The following ZNF316 variants were observed in gnomAD, a reference collection of about 807,000 sequenced individuals.
The protein encoded by ZNF316 is zinc finger protein 316.
A neutral mutation model predicts 75.6 loss-of-function variants in ZNF316; 23 were observed. The observed-to-expected ratio is 0.30, with a 90% CI of 0.22 to 0.43. The LOEUF (loss-of-function observed/expected upper bound fraction) is 0.43. Among genes scored for constraint, ZNF316 ranks in the 20% least tolerant of loss-of-function variants. The pLI, the probability that ZNF316 is intolerant of heterozygous loss-of-function variation, is 1.00. For missense variants in ZNF316, 1,266 were observed against 1,409.4 expected, an observed-to-expected ratio of 0.90 and a Z score of 1.63; for synonymous variants, 827 against 666.2, an observed-to-expected ratio of 1.24 and a Z score of -3.72.
At chr7:6,646,817 C>G (rs771459055) in intron 8 of ZNF316, among the ~76,000 whole-genome samples, 2 of 152,130 alleles carry the variant, frequency 1.3e-5, no homozygotes, top group Non-Finnish European at 2.9e-5. Flanking sequence ...GAGTTTGTTT[C>G]TAGACTGGAG....
intron 7 of ZNF316, 130 bp downstream of exon 7, chr7:6,644,078 C>T: frequency 2.9e-6 from 3 of 1,037,248 alleles, no homozygotes; most frequent in Non-Finnish European, 3.7e-6. Context: ...AGCCCACCTC[C>T]CAGGGAAGCC....
At position 6,639,651 on chromosome 7, in the gene ZNF316, G is replaced by T. The variant is rs1779278596; in HGVS notation, c.-167+510G>T. 6.6e-6 allele frequency among the ~76,000 whole-genome samples: 1 copy of T among 152,326 alleles called. No homozygotes were observed. Among genetic ancestry groups the T allele is most frequent in the East Asian group, 1.9e-4 (1 of 5,188 alleles). ...GGCCTGGCTCTGGGAGTTTAAAGTT[G>T]CTGCTTCAGGTGGTGGCCAGGCAGG... On this transcript the variant is annotated intron_variant, in intron 3 of 8. Transcript: ENST00000382252. The surrounding 1 kb of genome is among the most constrained non-coding windows in gnomAD (Gnocchi z 4.2).
chr7:6,653,605 C>G lies in ZNF316; in HGVS notation c.2009C>G (p.Pro670Arg). The G allele has an allele frequency of 9.4e-7, 1 of 1,062,304 alleles. No homozygotes were observed. The highest frequency in any genetic ancestry group is 1.1e-6 in the Non-Finnish European group (1 of 878,460). The allele number at this position is 1,062,304 out of a possible 1,614,324, so 65.8% of individuals were successfully genotyped here. Reference sequence around the variant, plus strand: ...GGAGGCGGCCTGCGCGCGTTCGGGCCCGCCATCGGGGGTCTGCTGGCGGAG... The same window carrying G: ...GGAGGCGGCCTGCGCGCGTTCGGGCGCGCCATCGGGGGTCTGCTGGCGGAG... ...GGGGGLRAFG[P>R]AIGGLLAEPA... The change falls in exon 9 of 9, where the codon CCC becomes CGC. Residue 670 changes from proline (P) to arginine (R), a missense_variant. Coordinates refer to ENST00000382252, the MANE Select transcript of ZNF316 (RefSeq NM_001278559.2).
At chr7:6,638,673 G>C (rs1779261394) in intron 2 of ZNF316, among the ~76,000 whole-genome samples, 1 of 152,142 alleles carries the variant, frequency 6.6e-6, no homozygotes, top group Admixed American at 6.5e-5. Flanking sequence ...GGTGGCTCAC[G>C]CCTGTAATCC....
At chr7:6,638,459 G>T (rs971318661) in intron 2 of ZNF316, among the ~76,000 whole-genome samples, 3 of 152,204 alleles carry the variant, frequency 2.0e-5, no homozygotes, top group Non-Finnish European at 4.4e-5. Context: ...CACATCTCCC[G>T]CTCTCTGAGT....
In ZNF316 at chr7:6,654,524, G is replaced by A; in HGVS notation, c.2928G>A (p.Leu976=). 2.5e-6 allele frequency: 3 copies of A among 1,178,380 alleles called. No homozygotes were observed. The highest frequency in any genetic ancestry group is 3.1e-6 in the Non-Finnish European group (3 of 953,688). The allele number at this position is 1,178,380 out of a possible 1,614,324, so 73.0% of individuals were successfully genotyped here. The change falls in exon 9 of 9, where the codon CTG becomes CTA. Residue 976 remains leucine (L), a synonymous_variant. Transcript: ENST00000382252. ...AGPGERGSAL[L]EFAGGTSFGS... ...CCGGTGAGCGCGGCAGCGCCCTGCT[G>A]GAGTTCGCGGGCGGCACAAGCTTCG...
In ZNF316 at chr7:6,642,490, C is replaced by T; in HGVS notation, c.81C>T (p.Asp27=). ...AGGACGGGTCAGAGTGCGACCCTGA[C>T]CAGGAAGAAGAGGAGGAGGAGGAGG... ...RAEDGSECDP[D]QEEEEEEEEK... Residue 27 remains aspartate, a synonymous_variant, in exon 5 of 9, where the codon GAC becomes GAT. Transcript: ENST00000382252. The surrounding 1 kb of genome is among the most constrained non-coding windows in gnomAD (Gnocchi z 8.1). The T allele has an allele frequency of 8.1e-7, 1 of 1,233,066 alleles. No individual in the cohort carries two copies. The highest frequency in any genetic ancestry group is 1.0e-6 in the Non-Finnish European group (1 of 988,780). The allele number at this position is 1,233,066 out of a possible 1,614,324, so 76.4% of individuals were successfully genotyped here.
chr7:6,651,746 G>A (rs1209347624), intron 8 of ZNF316, among the ~76,000 whole-genome samples: 1 of 152,228 alleles, frequency 6.6e-6, no homozygotes, highest in Non-Finnish European at 1.5e-5. Flanking sequence ...CTGGGTGACA[G>A]AGTGAGACTC....
rs558160013 is a variant in ZNF316, at chr7:6,639,004, T to C, written c.-266-38T>C. ...AAACCATTATGTTCTGAATCTTGGG[T>C]TGGGGACGATGTCTGGCTGTGCTTC... On this transcript the variant is annotated intron_variant, in intron 2 of 8. Coordinates refer to ENST00000382252, the MANE Select transcript of ZNF316 (RefSeq NM_001278559.2). The surrounding 1 kb of genome is among the most constrained non-coding windows in gnomAD (Gnocchi z 4.2). 2.6e-5 allele frequency: 4 copies of C among 152,336 alleles called. No individual in the cohort carries two copies. The highest frequency in any genetic ancestry group is 4.8e-5 in the African/African-American group (2 of 41,548). 9.4% of individuals were successfully genotyped at this position (152,336 alleles called of 1,614,324 possible).
Position 6,653,608 on chromosome 7 carries a change from C to A in ZNF316, c.2012C>A (p.Ala671Asp). 1 of 1,062,040 alleles carries A rather than the reference C, an allele frequency of 9.4e-7. No individual in the cohort carries two copies. Among genetic ancestry groups the A allele is most frequent in the Non-Finnish European group, 1.1e-6 (1 of 878,252 alleles). 65.8% of individuals were successfully genotyped at this position (1,062,040 alleles called of 1,614,324 possible). The change falls in exon 9 of 9, where the codon GCC becomes GAC. Residue 671 changes from alanine to aspartate, a missense_variant. Coordinates refer to ENST00000382252, the MANE Select transcript of ZNF316 (RefSeq NM_001278559.2). ...GGGGLRAFGPAIGGLLAEPAP... is the reference protein window; with the variant it reads ...GGGGLRAFGPDIGGLLAEPAP... ...GGCGGCCTGCGCGCGTTCGGGCCCG[C>A]CATCGGGGGTCTGCTGGCGGAGCCC...
chr7:6,654,669 G>A lies in ZNF316; in HGVS notation c.*58G>A. 1 of 1,149,366 alleles carries A rather than the reference G, an allele frequency of 8.7e-7. No individual in the cohort carries two copies. Among genetic ancestry groups the A allele is most frequent in the Non-Finnish European group, 1.1e-6 (1 of 933,576 alleles). The allele number at this position is 1,149,366 out of a possible 1,614,324, so 71.2% of individuals were successfully genotyped here. On this transcript the variant is annotated 3_prime_UTR_variant, in exon 9 of 9. Transcript: ENST00000382252. The stretch of plus-strand genomic sequence containing the variant: ...GGGCCACCGGCCCCTCCCTTGGACG[G>A]CCGGCCCCCCGCTCCTCGGGCCCCG...
At position 6,642,747 on chromosome 7, in the gene ZNF316, C is replaced by G; in HGVS notation, c.338C>G (p.Pro113Arg). ...RLSRGGDAKS[P>R]VLQEKGLQAS... ...AGCCGTGGTGGTGATGCCAAGTCCC[C>G]AGTTCTTCAGGAAAAGGGTAAGAAA... Residue 113 changes from proline (P) to arginine (R), a missense_variant, in exon 5 of 9, where the codon CCA becomes CGA. By Grantham distance (103) the Pro-to-Arg change is moderately radical. Coordinates refer to ENST00000382252, the MANE Select transcript of ZNF316 (RefSeq NM_001278559.2). The surrounding 1 kb of genome is among the most constrained non-coding windows in gnomAD (Gnocchi z 8.1). 4.1e-6 allele frequency: 5 copies of G among 1,233,502 alleles called. No homozygotes were observed. Among genetic ancestry groups the G allele is most frequent in the Non-Finnish European group, 5.1e-6 (5 of 989,044 alleles). The allele number at this position is 1,233,502 out of a possible 1,614,324, so 76.4% of individuals were successfully genotyped here.
intron 6 of ZNF316, 40 bp from the exon 7 acceptor site, chr7:6,643,782 G>C (rs922133664): frequency 8.1e-7 from 1 of 1,232,696 alleles, no homozygotes; most frequent in Non-Finnish European, 1.0e-6. Flanking sequence ...TCTTTGTAAA[G>C]GGCTCCCTCA....
intron 7 of ZNF316, 38 bp from the exon 8 acceptor site, chr7:6,644,442 C>G: frequency 8.5e-7 from 1 of 1,176,734 alleles, no homozygotes; most frequent in East Asian, 3.2e-5. Context: ...GGAGGGCCCA[C>G]GGGAGCCGCC....
At chr7:6,652,240 C>G in intron 8 of ZNF316, 63 bp from the exon 9 acceptor site, 1 of 1,229,036 alleles carries the variant, frequency 8.1e-7, no homozygotes, top group Non-Finnish European at 1.0e-6. Flanking sequence ...GGACAGGAAC[C>G]TGCCAGAGGC....
At position 6,652,265 on chromosome 7, in the gene ZNF316, C is replaced by T. The variant is rs1410313243; in HGVS notation, c.707-38C>T. 4.1e-6 allele frequency: 5 copies of T among 1,232,134 alleles called. No homozygotes were observed. In the Admixed American group the frequency reaches 2.1e-4, roughly 52 times the overall value. The allele number at this position is 1,232,134 out of a possible 1,614,324, so 76.3% of individuals were successfully genotyped here. ...CTGCCAGAGGCTCCTGTCAAGTTCA[C>T]TTACCTCTCTCTTCTGGCCTGCCTT... On this transcript the variant is annotated intron_variant, in intron 8 of 8. Transcript: ENST00000382252.
Position 6,654,253 on chromosome 7 carries a change from C to T in ZNF316, c.2657C>T (p.Pro886Leu). Residue 886 changes from proline (P) to leucine (L), a missense_variant, in exon 9 of 9, where the codon CCC becomes CTC. By Grantham distance (98) the Pro-to-Leu change is moderately conservative (BLOSUM62 -3). Around this residue, in one of 3 missense-constraint regions of ZNF316, gnomAD observed 194 missense variants for 319.2 expected, o/e 0.61. Transcript: ENST00000382252. ...KHRRGHTGERPFPCPECGKRF... is the reference protein window; with the variant it reads ...KHRRGHTGERLFPCPECGKRF... Reference sequence around the variant, plus strand: ...CGGCGCGGCCACACGGGCGAACGCCCCTTCCCGTGCCCTGAGTGCGGCAAG... The same window carrying T: ...CGGCGCGGCCACACGGGCGAACGCCTCTTCCCGTGCCCTGAGTGCGGCAAG... The T allele has an allele frequency of 1.6e-6, 2 of 1,223,612 alleles. No homozygotes were observed. The highest frequency in any genetic ancestry group is 2.0e-6 in the Non-Finnish European group (2 of 982,090). The allele number at this position is 1,223,612 out of a possible 1,614,324, so 75.8% of individuals were successfully genotyped here.
At chr7:6,638,406 G>C (rs1227419176) in intron 2 of ZNF316, among the ~76,000 whole-genome samples, 1 of 152,154 alleles carries the variant, frequency 6.6e-6, no homozygotes, top group East Asian at 1.9e-4. Flanking sequence ...GGCAGCGGGG[G>C]CCACCCAGAG....
rs1395709837 is a variant in ZNF316, at chr7:6,653,163, G to C, written c.1567G>C (p.Glu523Gln). ...TGACGGCCCCCGGCGGGAGCCCGGC[G>C]AGACGGCGGCCGCCGCGGGGCCCGA... ...GGDGPRREPG[E>Q]TAAAAGPEDT... The change falls in exon 9 of 9, where the codon GAG (glutamate) becomes CAG (glutamine). Residue 523 changes from glutamate (E) to glutamine (Q), a missense_variant. Glu to Gln is a conservative substitution (Grantham distance 29, BLOSUM62 2). This residue lies in a region of ZNF316 where 961 missense variants were observed against 990.9 expected (regional missense o/e 0.97). Transcript: ENST00000382252. 1 of 1,195,322 alleles carries C rather than the reference G, an allele frequency of 8.4e-7. No individual in the cohort carries two copies. Among genetic ancestry groups the C allele is most frequent in the Non-Finnish European group, 1.0e-6 (1 of 964,894 alleles). 74.0% of individuals were successfully genotyped at this position (1,195,322 alleles called of 1,614,324 possible).
Sources: allele counts gnomAD v4.1 joint callset (sites outside exome capture counted in the v4.1 genomes callset), GRCh38; gene constraint gnomAD v4.1.1; regional missense constraint gnomAD v4.1.1; non-coding constraint Gnocchi (gnomAD v3.1); transcripts MANE v1.5; gene names NCBI Gene and HGNC (gene_info 2026-07-23, HGNC 2026-07-21).